Variants in SPIRE2 observed in about 807,000 individuals in gnomAD.
SPIRE2 encodes the protein spire type actin nucleation factor 2, also known as protein spire homolog 2.
Under a neutral mutation model 80.7 loss-of-function variants are expected in SPIRE2, and 76 were observed. The observed-to-expected ratio is 0.94, with a 90% CI of 0.78 to 1.14. SPIRE2 has a LOEUF of 1.14. Among genes scored for constraint, SPIRE2 ranks in the 50% most tolerant of loss-of-function variants. SPIRE2 has a pLI of 0.00. For synonymous variants in SPIRE2, 535 were observed against 432.6 expected (o/e 1.24, Z -2.94); for missense variants, 1,196 against 1,015.3 (o/e 1.18, Z -2.42).
intron 10 of SPIRE2, 72 bp downstream of exon 10, chr16:89,860,867 C>T: frequency 2.0e-6 from 2 of 991,252 alleles, no homozygotes; most frequent in South Asian, 3.5e-5. Flanking sequence ...CGCCGCCAGC[C>T]AGGTCTGGGA....
intron 12 of SPIRE2, among the ~76,000 whole-genome samples, chr16:89,864,905 A>G (rs1265927613): frequency 6.6e-6 from 1 of 152,084 alleles, no homozygotes; most frequent in Non-Finnish European, 1.5e-5. Flanking sequence ...ATTAATTACA[A>G]TGTATTGTGG....
In SPIRE2 at chr16:89,863,443, A is replaced by G; in HGVS notation, c.1576-33A>G. 6.2e-7 allele frequency: 1 copy of G among 1,613,256 alleles called. No homozygotes were observed. On this transcript the variant is annotated intron_variant, in intron 10 of 14. Coordinates refer to ENST00000378247, the MANE Select transcript of SPIRE2 (RefSeq NM_032451.2). This position sits in a 1 kb window ranked among gnomAD's most constrained non-coding sequence, Gnocchi z 4.3. ...AGAGTAAGCTAGGGGAGCCTCCTGC[A>G]TAGAAGACTTCCTACCTGAGGCCGT...
chr16:89,847,597 G>C (rs552908106), intron 2 of SPIRE2, among the ~76,000 whole-genome samples: 1 of 152,298 alleles, frequency 6.6e-6, no homozygotes, highest in Non-Finnish European at 1.5e-5. Flanking sequence ...CAGGAAAGAC[G>C]GCAAAGGAGT....
At chr16:89,835,352 G>A (rs1473404883) in intron 1 of SPIRE2, among the ~76,000 whole-genome samples, 2 of 152,198 alleles carry the variant, frequency 1.3e-5, no homozygotes, top group Non-Finnish European at 2.9e-5. Context: ...TTGAGATTCG[G>A]TTAATGGTGG....
Position 89,859,365 on chromosome 16 carries a change from C to T in SPIRE2, c.1462+11C>T. ...GCTCCCGAGACCAGGGCAAGTGCTG[C>T]TTCTCACCCCCGTACCCTCCTTCGC... On this transcript the variant is annotated intron_variant, in intron 9 of 14. Transcript: ENST00000378247. 2 of 1,530,486 alleles carry T rather than the reference C, an allele frequency of 1.3e-6. No individual in the cohort carries two copies. The highest frequency in any genetic ancestry group is 4.8e-5 in the East Asian group (2 of 41,976). 94.8% of individuals were successfully genotyped at this position (1,530,486 alleles called of 1,614,324 possible).
chr16:89,837,259 G>A (rs947418108), intron 1 of SPIRE2, among the ~76,000 whole-genome samples: 1 of 152,154 alleles, frequency 6.6e-6, no homozygotes, highest in Non-Finnish European at 1.5e-5. Flanking sequence ...GCTGCTGCAG[G>A]AGTGAGGCAC....
chr16:89,842,753 G>T (rs145687479), intron 1 of SPIRE2, among the ~76,000 whole-genome samples: 2 of 152,174 alleles, frequency 1.3e-5, no homozygotes, highest in African/African-American at 4.8e-5. Context: ...ACCTTCCCAT[G>T]GCCTCGGCCC....
At chr16:89,857,825 C>G (rs1403519828) in intron 7 of SPIRE2, among the ~76,000 whole-genome samples, 1 of 151,418 alleles carries the variant, frequency 6.6e-6, no homozygotes, top group East Asian at 1.9e-4. Context: ...CCGCATCAGC[C>G]TCCCAAAGTG....
chr16:89,846,089 G>C (rs549728127), intron 2 of SPIRE2: 29 of 162,788 alleles, frequency 1.8e-4, no homozygotes, highest in Admixed American at 3.5e-4. Flanking sequence ...AGTAGAGACG[G>C]GGTTTCACCG....
Position 89,870,697 on chromosome 16 carries a change from C to G in SPIRE2, c.*425C>G, listed in dbSNP as rs1025179574. The G allele has an allele frequency of 1.2e-5, 2 of 173,428 alleles. No homozygotes were observed. Among genetic ancestry groups the G allele is most frequent in the African/African-American group, 4.8e-5 (2 of 42,024 alleles). 10.7% of individuals were successfully genotyped at this position (173,428 alleles called of 1,614,324 possible). On this transcript the variant is annotated 3_prime_UTR_variant, in exon 15 of 15. Transcript: ENST00000378247. The stretch of plus-strand genomic sequence containing the variant: ...CTCCCAGCTGGACCAGAGTGCCCTG[C>G]TTGCCTCTGCTCTCCCTTTGTGGGG...
At chr16:89,835,152 T>C (rs1423626657) in intron 1 of SPIRE2, among the ~76,000 whole-genome samples, 1 of 145,870 alleles carries the variant, frequency 6.9e-6, no homozygotes, top group African/African-American at 2.6e-5. Context: ...GCACTCACGG[T>C]TGGCCGTCGT....
At chr16:89,845,477 G>A in intron 2 of SPIRE2, 112 bp downstream of exon 2, 1 of 1,012,690 alleles carries the variant, frequency 9.9e-7, no homozygotes, top group Admixed American at 1.8e-5. Flanking sequence ...GGGAGGCAGG[G>A]TGCAGATGAA....
chr16:89,865,843 C>T (rs938879318), intron 12 of SPIRE2, among the ~76,000 whole-genome samples: 2 of 151,580 alleles, frequency 1.3e-5, no homozygotes, highest in Non-Finnish European at 2.9e-5. Flanking sequence ...TGGCGGGTGC[C>T]TGTAGTCCCA....
rs1243269391 is a variant in SPIRE2 at position 89,855,664 on chromosome 16, G to A, written c.956G>A (p.Arg319His). 1.1e-5 allele frequency: 18 copies of A among 1,612,622 alleles called. No individual in the cohort carries two copies. Among genetic ancestry groups the A allele is most frequent in the East Asian group, 4.5e-5 (2 of 44,878 alleles). The change falls in exon 6 of 15, where the codon CGC (arginine) becomes CAC (histidine). Residue 319 changes from arginine (R) to histidine (H), a missense_variant. Coordinates refer to ENST00000378247, the MANE Select transcript of SPIRE2 (RefSeq NM_032451.2). ...DAHELILDFIRSRPPLKQVSE... is the reference protein window; with the variant it reads ...DAHELILDFIHSRPPLKQVSE... ...CACGAGCTCATCCTGGACTTTATCC[G>A]CTCACGGCCTCCACTGAAGCAGGTG...
At chr16:89,860,311 T>C (rs10459816) in intron 9 of SPIRE2, among the ~76,000 whole-genome samples, 44,250 of 152,020 alleles carry the variant, frequency 0.29, 7,373 homozygotes, top group East Asian at 0.64. Context: ...CAGGCTGGAG[T>C]GCAGAGGTAC....
At chr16:89,837,954 G>A (rs191900720) in intron 1 of SPIRE2, among the ~76,000 whole-genome samples, 2 of 152,140 alleles carry the variant, frequency 1.3e-5, no homozygotes, top group Non-Finnish European at 2.9e-5. Context: ...TCCTGGTTTC[G>A]TGCGGGCGTT....
chr16:89,833,739 C>T (rs1222527592), intron 1 of SPIRE2, among the ~76,000 whole-genome samples: 1 of 152,208 alleles, frequency 6.6e-6, no homozygotes, highest in African/African-American at 2.4e-5. Context: ...ACTCGCTGGA[C>T]CTGCCTTGGG....
At chr16:89,857,136 C>CT (rs59968762) in intron 7 of SPIRE2, among the ~76,000 whole-genome samples, 68,116 of 122,894 alleles carry the variant, frequency 0.55, 19,350 homozygotes, top group East Asian at 0.72. Flanking sequence ...TTTCCTATAT[C>CT]TTTTTTTTTT....
At chr16:89,831,921 G>A (rs986921716) in intron 1 of SPIRE2, among the ~76,000 whole-genome samples, 4 of 139,328 alleles carry the variant, frequency 2.9e-5, no homozygotes, top group African/African-American at 9.9e-5. Flanking sequence ...TGTTCATCTC[G>A]CGGCCTGTGT....
Sources: gnomAD v4.1 joint callset for allele counts (sites outside exome capture counted in the v4.1 genomes callset) on GRCh38, gnomAD v4.1.1 for gene constraint, Gnocchi (gnomAD v3.1) non-coding constraint, MANE v1.5 for transcripts, NCBI Gene and HGNC (gene_info 2026-07-23, HGNC 2026-07-21) for gene names.